PREP: variants seen among roughly 807,000 people sequenced by gnomAD.
The protein encoded by PREP is dJ355L5.1 (prolyl endopeptidase).
A neutral mutation model predicts 87.6 loss-of-function variants in PREP; 29 were observed. The ratio of observed to expected loss-of-function variants is 0.33; its 90% CI spans 0.25 to 0.45. The LOEUF is 0.45. Among genes scored for constraint, PREP ranks in the 20% least tolerant of loss-of-function variants. The probability of loss-of-function intolerance (pLI) is 1.00; values close to 1 mark genes in which losing one functional copy is unlikely to be tolerated. For synonymous variants in PREP, 337 were observed against 328.6 expected, an observed-to-expected ratio of 1.03 and a Z score of -0.28; for missense variants, 695 against 886.5, an observed-to-expected ratio of 0.78 and a Z score of 2.74.
chr6:105,350,947 G>C (rs1424542490), intron 7 of PREP, among the ~76,000 whole-genome samples: 1 of 152,144 alleles, frequency 6.6e-6, no homozygotes, highest in African/African-American at 2.4e-5. Context: ...CCTATCCTAT[G>C]TTATTCTCTT....
intron 11 of PREP, 69 bp downstream of exon 11, chr6:105,288,689 G>A: frequency 6.4e-7 from 1 of 1,568,976 alleles, no homozygotes; most frequent in South Asian, 1.1e-5. Flanking sequence ...ATTTAGTAGA[G>A]CACTCTGGTT....
Position 105,352,954 on chromosome 6 carries a change from T to C in PREP, c.823+18A>G, listed in dbSNP as rs374823667. The C allele has an allele frequency of 6.9e-6, 11 of 1,583,002 alleles. No homozygotes were observed. The African/African-American group carries it at 1.1e-4, about 16-fold the overall frequency. Reference sequence around the variant, plus strand: ...AAGTTTCTTGGAATAACTATCTGTGTCTGAAAAAATAACTCACCCGCGATG... The same window carrying C: ...AAGTTTCTTGGAATAACTATCTGTGCCTGAAAAAATAACTCACCCGCGATG... On this transcript the variant is annotated intron_variant, in intron 7 of 14. Coordinates refer to ENST00000652536, the MANE Select transcript of PREP (RefSeq NM_002726.5).
At chr6:105,303,560 A>T (rs1228417817) in intron 10 of PREP, among the ~76,000 whole-genome samples, 3 of 151,412 alleles carry the variant, frequency 2.0e-5, no homozygotes, top group Admixed American at 2.0e-4. Flanking sequence ...CACTTGTTTG[A>T]CCTCCTCCTC....
intron 6 of PREP, among the ~76,000 whole-genome samples, chr6:105,356,789 A>T (rs950585119): frequency 2.0e-5 from 3 of 152,234 alleles, no homozygotes; most frequent in Admixed American, 2.0e-4. Context: ...CAGGAGGACT[A>T]GTCCAGTACC....
At chr6:105,389,059 GATAAAA>G (rs1773073865) in intron 2 of PREP, among the ~76,000 whole-genome samples, 1 of 152,122 alleles carries the variant, frequency 6.6e-6, no homozygotes, top group Non-Finnish European at 1.5e-5. Flanking sequence ...TAGTTTTGTG[GATAAAA>G]ATAAAAACAG....
intron 2 of PREP, among the ~76,000 whole-genome samples, chr6:105,380,020 T>A (rs1317909138): frequency 1.3e-5 from 2 of 152,218 alleles, no homozygotes; most frequent in Non-Finnish European, 2.9e-5. Context: ...TGAAAACCTT[T>A]ATGGCAATTT....
Position 105,299,920 on chromosome 6 carries a change from G to A in PREP, c.1318-11026C>T, listed in dbSNP as rs978456010. Among the ~76,000 whole-genome samples the A allele has an allele frequency of 2.2e-4, 33 of 149,346 alleles. No homozygotes were observed. The Middle Eastern group carries it at 0.014, about 62-fold the overall frequency. On this transcript the variant is annotated intron_variant, in intron 10 of 14. Transcript: ENST00000652536. ...CTCTGCTTTTTTTTTTTTTTGAGAC[G>A]GAATCTCACTCTGTTGTCCAGGCTG...
intron 2 of PREP, among the ~76,000 whole-genome samples, chr6:105,386,118 CAAAG>C (rs201256781): frequency 2.0e-5 from 3 of 152,012 alleles, no homozygotes; most frequent in Non-Finnish European, 4.4e-5. Flanking sequence ...GACTCCATCT[CAAAG>C]AAAGAAAGAA....
At chr6:105,302,787 C>T (rs990530523) in intron 10 of PREP, 3 of 470,702 alleles carry the variant, frequency 6.4e-6, no homozygotes, top group Non-Finnish European at 1.2e-5. Flanking sequence ...AACTCTTTCT[C>T]CTTCCCGTGA....
At chr6:105,385,874 C>T (rs1335759514) in intron 2 of PREP, among the ~76,000 whole-genome samples, 1 of 152,198 alleles carries the variant, frequency 6.6e-6, no homozygotes, top group African/African-American at 2.4e-5. Flanking sequence ...GTAATCCCAG[C>T]ACTTTAGGAG....
At chr6:105,284,470 G>A (rs948031662) in intron 12 of PREP, among the ~76,000 whole-genome samples, 1 of 152,174 alleles carries the variant, frequency 6.6e-6, no homozygotes, top group East Asian at 1.9e-4. Flanking sequence ...TCTGGTTTGG[G>A]ATGGCATGGG....
intron 14 of PREP, among the ~76,000 whole-genome samples, chr6:105,279,933 T>G (rs995509076): frequency 2.6e-5 from 4 of 152,222 alleles, no homozygotes; most frequent in Non-Finnish European, 4.4e-5. Flanking sequence ...AAGTTAGATA[T>G]TCCTTCTTCA....
At chr6:105,368,433 A>G (rs1262334115) in intron 6 of PREP, among the ~76,000 whole-genome samples, 1 of 152,214 alleles carries the variant, frequency 6.6e-6, no homozygotes, top group East Asian at 1.9e-4. Flanking sequence ...TGATGAGAAA[A>G]TGTATAAAAG....
At position 105,278,107 on chromosome 6, in the gene PREP, G is replaced by GT. The variant is rs1769985761; in HGVS notation, c.*36dup. The stretch of plus-strand genomic sequence containing the variant: ...GTGTCAACGTGGGAAAGCCCTTGAG[G>GT]TTTTCTGTCGCTGTCAGGAGGAAGC... On this transcript the variant is annotated 3_prime_UTR_variant, in exon 15 of 15. Coordinates refer to ENST00000652536, the MANE Select transcript of PREP (RefSeq NM_002726.5). The surrounding 1 kb of genome is among the most constrained non-coding windows in gnomAD (Gnocchi z 4.2). 1.9e-6 allele frequency: 3 copies of GT among 1,581,134 alleles called. No homozygotes were observed. Among genetic ancestry groups the GT allele is most frequent in the Non-Finnish European group, 2.6e-6 (3 of 1,160,390 alleles).
chr6:105,325,029 G>A (rs555067139), intron 9 of PREP, among the ~76,000 whole-genome samples: 1 of 152,166 alleles, frequency 6.6e-6, no homozygotes, highest in South Asian at 2.1e-4. Context: ...ACTTCCAATT[G>A]CATTCTGTGA....
chr6:105,275,317 A>C lies in PREP; in HGVS notation c.*2827T>G, dbSNP rs981196070. Among the ~76,000 whole-genome samples the C allele has an allele frequency of 6.6e-6, 1 of 152,206 alleles. No homozygotes were observed. The highest frequency in any genetic ancestry group is 1.5e-5 in the Non-Finnish European group (1 of 68,030). The stretch of plus-strand genomic sequence containing the variant: ...TTATCCTTTTCAAACTTGTAGCACC[A>C]TGTGTGTGTAGCTGCTTAAGCTTTA... On this transcript the variant is annotated 3_prime_UTR_variant, in exon 15 of 15. Coordinates refer to ENST00000652536, the MANE Select transcript of PREP (RefSeq NM_002726.5).
chr6:105,288,691 A>C (rs1770238666), intron 11 of PREP, 67 bp downstream of exon 11: 1 of 1,576,350 alleles, frequency 6.3e-7, no homozygotes, highest in Non-Finnish European at 8.7e-7. Context: ...TTAGTAGAGC[A>C]CTCTGGTTTG....
At chr6:105,309,899 A>C (rs1473242081) in intron 10 of PREP, among the ~76,000 whole-genome samples, 1 of 152,188 alleles carries the variant, frequency 6.6e-6, no homozygotes, top group African/African-American at 2.4e-5. Context: ...TCTCTCACTT[A>C]ACATGCCATT....
At chr6:105,393,820 A>G (rs933724136) in intron 2 of PREP, among the ~76,000 whole-genome samples, 1 of 152,222 alleles carries the variant, frequency 6.6e-6, no homozygotes, top group African/African-American at 2.4e-5. Flanking sequence ...ATTAAATACT[A>G]GATTAAATCG....
Sources: gnomAD v4.1 joint callset for allele counts (sites outside exome capture counted in the v4.1 genomes callset) on GRCh38, gnomAD v4.1.1 for gene constraint, Gnocchi (gnomAD v3.1) non-coding constraint, MANE v1.5 for transcripts, NCBI Gene and HGNC (gene_info 2026-07-23, HGNC 2026-07-21) for gene names.